The following MKLN1 variants were observed in gnomAD, a reference collection of about 807,000 sequenced individuals.
MKLN1 encodes muskelin.
In MKLN1, 18 loss-of-function variants were observed where a neutral mutation model predicts 99.0. The ratio of observed to expected loss-of-function variants is 0.18; its 90% CI spans 0.13 to 0.27. The LOEUF is 0.27. Ranked by LOEUF, MKLN1 falls within the 10% of genes least tolerant of loss-of-function variation. MKLN1 has a pLI of 1.00. For missense variants in MKLN1, 621 were observed against 875.9 expected (o/e 0.71, Z 3.67); for synonymous variants, 288 against 293.2 (o/e 0.98, Z 0.18).
At chr7:131,290,172 GCAGGTGC>G (rs1239978037) in intron 3 of MKLN1, among the ~76,000 whole-genome samples, 1 of 152,168 alleles carries the variant, frequency 6.6e-6, no homozygotes, top group African/African-American at 2.4e-5. Context: ...AGATATGGTG[GCAGGTGC>G]CTGTAATCCC....
intron 15 of MKLN1, 99 bp downstream of exon 15, chr7:131,466,514 T>C: frequency 1.2e-6 from 1 of 851,326 alleles, no homozygotes; most frequent in East Asian, 3.1e-5. Context: ...ATGAAGATCA[T>C]GAATTTTGTA....
intron 4 of MKLN1, 65 bp downstream of exon 4, chr7:131,389,037 C>G (rs1437439364): frequency 1.9e-6 from 2 of 1,026,088 alleles, no homozygotes; most frequent in Non-Finnish European, 2.9e-6. Context: ...AACTATAGCC[C>G]ATAGACCAAA....
chr7:131,446,192 C>G (rs1210458365), intron 12 of MKLN1, among the ~76,000 whole-genome samples: 1 of 152,000 alleles, frequency 6.6e-6, no homozygotes, highest in African/African-American at 2.4e-5. Context: ...ACTTTTTATT[C>G]TGTGTTTGCT....
At chr7:131,476,266 C>T (rs940502079) in intron 16 of MKLN1, among the ~76,000 whole-genome samples, 1 of 152,124 alleles carries the variant, frequency 6.6e-6, no homozygotes, top group African/African-American at 2.4e-5. Flanking sequence ...ATTAGCCCCT[C>T]TATTCAACAT....
chr7:131,327,542 GTCT>G (rs779133583), upstream of MKLN1: 4 of 213,438 alleles, frequency 1.9e-5, no homozygotes, highest in Middle Eastern at 1.7e-3. Context: ...TTCCAACTTG[GTCT>G]TCTTATTTTC....
intron 3 of MKLN1, chr7:131,242,788 C>G (rs1797425027): frequency 1.3e-5 from 9 of 683,768 alleles, no homozygotes; most frequent in South Asian, 1.1e-4. Flanking sequence ...TCTAAGAGGT[C>G]AAAGATCAAG....
chr7:131,480,904 G>A (rs1428080662), intron 17 of MKLN1, among the ~76,000 whole-genome samples: 1 of 152,180 alleles, frequency 6.6e-6, no homozygotes, highest in Non-Finnish European at 1.5e-5. Flanking sequence ...TTTAGAACAA[G>A]AATTTCTTGG....
At chr7:131,122,379 G>A (rs1208943688) in intron 1 of MKLN1, among the ~76,000 whole-genome samples, 2 of 152,202 alleles carry the variant, frequency 1.3e-5, no homozygotes, top group Non-Finnish European at 2.9e-5. Context: ...GGCTCCCACA[G>A]AACCATATTG....
chr7:131,142,940 C>T (rs79254850), exon 2 of MKLN1: 23,889 of 1,304,532 alleles, frequency 0.018, 724 homozygotes, highest in Admixed American at 0.14. Context: ...GATTGGAATT[C>T]GGTAAGTGTT....
intron 1 of MKLN1, among the ~76,000 whole-genome samples, chr7:131,329,143 A>G (rs540077592): frequency 6.6e-6 from 1 of 152,366 alleles, no homozygotes; most frequent in South Asian, 2.1e-4. Flanking sequence ...TAAGTTTTCC[A>G]TCTGTATTTG....
At chr7:131,240,274 A>G (rs1011354404) in intron 3 of MKLN1, among the ~76,000 whole-genome samples, 1 of 152,194 alleles carries the variant, frequency 6.6e-6, no homozygotes, top group Non-Finnish European at 1.5e-5. Context: ...TTAAAAGGCT[A>G]CCTACAAATT....
chr7:131,270,173 C>T (rs906484192), intron 3 of MKLN1, among the ~76,000 whole-genome samples: 4 of 151,934 alleles, frequency 2.6e-5, no homozygotes, highest in Non-Finnish European at 4.4e-5. Context: ...CCACCCGCCT[C>T]GGCCTCTCAA....
chr7:131,157,692 G>A (rs1052906832), intron 2 of MKLN1, among the ~76,000 whole-genome samples: 2 of 152,076 alleles, frequency 1.3e-5, no homozygotes, highest in African/African-American at 4.8e-5. Context: ...TCCTGAAAAG[G>A]ATAATACATT....
chr7:131,190,858 C>A (rs1344001946), intron 2 of MKLN1, among the ~76,000 whole-genome samples: 2 of 152,196 alleles, frequency 1.3e-5, no homozygotes, highest in Admixed American at 6.5e-5. Context: ...CAGACCAGGA[C>A]ATGGGGAGTT....
chr7:131,306,739 A>G (rs934059365), intron 3 of MKLN1, among the ~76,000 whole-genome samples: 9 of 152,244 alleles, frequency 5.9e-5, no homozygotes, highest in African/African-American at 1.9e-4. Context: ...TATGTTTAAA[A>G]GGAAAGCAGA....
chr7:131,171,605 C>T (rs932416352), intron 2 of MKLN1, among the ~76,000 whole-genome samples: 4 of 151,924 alleles, frequency 2.6e-5, no homozygotes, highest in African/African-American at 9.7e-5. Flanking sequence ...TACAGGCATC[C>T]ACCACCATGG....
chr7:131,478,636 C>T lies in MKLN1; in HGVS notation c.2045C>T (p.Ala682Val), dbSNP rs760546276. The T allele has an allele frequency of 4.3e-6, 6 of 1,387,750 alleles. No homozygotes were observed. The South Asian group carries it at 8.4e-5, about 19-fold the overall frequency. 86.0% of individuals were successfully genotyped at this position (1,387,750 alleles called of 1,614,324 possible). ...PEETKEFQLL[A>V]SALFKSGSDF... ...TTTTTTAAACAGTTTCAGCTCCTGG[C>T]ATCAGCTCTATTCAAATCTGGTTCA... The change falls in exon 17 of 18, where the codon GCA becomes GTA. Residue 682 changes from alanine (A) to valine (V), a missense_variant. Transcript: ENST00000352689.
At chr7:131,285,817 TC>T (rs1348373268) in intron 3 of MKLN1, among the ~76,000 whole-genome samples, 7 of 152,244 alleles carry the variant, frequency 4.6e-5, no homozygotes, top group Middle Eastern at 3.4e-3. Flanking sequence ...TTGGTGAAAC[TC>T]CCATCAATAG....
At chr7:131,403,870 TGAGAGAGAGACACAAG>T (rs1563331593) in intron 6 of MKLN1, among the ~76,000 whole-genome samples, 2 of 152,092 alleles carry the variant, frequency 1.3e-5, no homozygotes, top group Non-Finnish European at 2.9e-5. Context: ...ATTACTGAAA[TGAGAGAGAGACACAAG>T]TGAAGAAATT....
Sources: allele counts gnomAD v4.1 joint callset (sites outside exome capture counted in the v4.1 genomes callset), GRCh38; gene constraint gnomAD v4.1.1; transcripts MANE v1.5; gene names NCBI Gene and HGNC (gene_info 2026-07-23, HGNC 2026-07-21).